CEP128: variants seen among roughly 807,000 people sequenced by gnomAD.
CEP128 encodes centrosomal protein 128kDa.
In CEP128, 132 loss-of-function variants were observed where a neutral mutation model predicts 156.7. That is an observed-to-expected ratio of 0.84 (90% CI 0.73 to 0.97). The LOEUF is 0.97. Ranked by LOEUF, CEP128 falls within the 50% of genes least tolerant of loss-of-function variation. The pLI is 0.00. For synonymous variants in CEP128, 469 were observed against 448.9 expected (o/e 1.04, Z -0.57); for missense variants, 1,252 against 1,281.9 (o/e 0.98, Z 0.36).
intron 14 of CEP128, among the ~76,000 whole-genome samples, chr14:80,785,945 T>C (rs1316963590): frequency 1.3e-5 from 2 of 152,156 alleles, no homozygotes; most frequent in African/African-American, 4.8e-5. Context: ...ATTCCAATGA[T>C]ACACTTTTAA....
intron 8 of CEP128, among the ~76,000 whole-genome samples, chr14:80,880,124 A>T (rs1158539366): frequency 6.6e-6 from 1 of 152,224 alleles, no homozygotes; most frequent in Non-Finnish European, 1.5e-5. Flanking sequence ...CAAAAAAATT[A>T]TACAACATGA....
intron 21 of CEP128, among the ~76,000 whole-genome samples, chr14:80,535,074 G>A (rs58249795): frequency 0.21 from 31,928 of 152,056 alleles, 3,665 homozygotes; most frequent in African/African-American, 0.29. Context: ...TAGAAGTAGG[G>A]TCAAAGCAGA....
intron 2 of CEP128, among the ~76,000 whole-genome samples, chr14:80,924,005 C>T (rs1304956317): frequency 6.6e-6 from 1 of 152,204 alleles, no homozygotes; most frequent in Non-Finnish European, 1.5e-5. Context: ...AAGCTTGCTT[C>T]CCCTTCACCT....
At chr14:80,784,115 C>T (rs1337524296) in intron 15 of CEP128, among the ~76,000 whole-genome samples, 1 of 152,190 alleles carries the variant, frequency 6.6e-6, no homozygotes, top group Middle Eastern at 3.4e-3. Flanking sequence ...TTCATTCATT[C>T]ACCTATTCAA....
At chr14:80,842,313 C>G (rs1886383730) in intron 9 of CEP128, among the ~76,000 whole-genome samples, 1 of 151,984 alleles carries the variant, frequency 6.6e-6, no homozygotes, top group African/African-American at 2.4e-5. Context: ...CAAATTACTA[C>G]ATTTCCACTA....
At chr14:80,717,526 G>T (rs1416838938) in intron 19 of CEP128, among the ~76,000 whole-genome samples, 1 of 151,872 alleles carries the variant, frequency 6.6e-6, no homozygotes, top group African/African-American at 2.4e-5. Context: ...GGTAAATGGG[G>T]GCATTTGTGA....
intron 19 of CEP128, among the ~76,000 whole-genome samples, chr14:80,626,265 C>T (rs1431414971): frequency 6.6e-6 from 1 of 150,612 alleles, no homozygotes; most frequent in African/African-American, 2.5e-5. Context: ...GAGATCGAGA[C>T]CATCCTGGCT....
intron 4 of CEP128, among the ~76,000 whole-genome samples, chr14:80,907,004 A>G (rs1883919985): frequency 6.6e-6 from 1 of 152,198 alleles, no homozygotes; most frequent in African/African-American, 2.4e-5. Context: ...AGTTGAGAAG[A>G]CAAGGTTTCC....
chr14:80,576,141 C>T (rs1891344140), intron 20 of CEP128, among the ~76,000 whole-genome samples: 1 of 152,014 alleles, frequency 6.6e-6, no homozygotes. Flanking sequence ...AATAAAAACA[C>T]TAAACAGCAG....
chr14:80,723,592 G>A (rs1272296008), intron 19 of CEP128, among the ~76,000 whole-genome samples: 2 of 152,258 alleles, frequency 1.3e-5, no homozygotes, highest in Non-Finnish European at 2.9e-5. Flanking sequence ...GTAGAACAGT[G>A]TCCAAAAAGT....
At chr14:80,840,634 TG>T in intron 10 of CEP128, 47 bp downstream of exon 10, 1 of 1,190,324 alleles carries the variant, frequency 8.4e-7, no homozygotes, top group Non-Finnish European at 1.3e-6. Context: ...CAAATACCAT[TG>T]GCCCCAAACC....
intron 20 of CEP128, among the ~76,000 whole-genome samples, chr14:80,564,495 G>A (rs1463877607): frequency 6.6e-6 from 1 of 152,198 alleles, no homozygotes; most frequent in Non-Finnish European, 1.5e-5. Context: ...AACTTTTGAG[G>A]TTAATGAGGT....
At chr14:80,838,391 C>A (rs996266163) in intron 10 of CEP128, 113 bp from the exon 11 acceptor site, 1 of 673,160 alleles carries the variant, frequency 1.5e-6, no homozygotes, top group South Asian at 1.8e-5. Context: ...AAGACATTTA[C>A]AGCTAATATA....
chr14:80,586,135 A>G (rs1891812655), intron 19 of CEP128, among the ~76,000 whole-genome samples: 1 of 152,130 alleles, frequency 6.6e-6, no homozygotes, highest in Non-Finnish European at 1.5e-5. Flanking sequence ...AAGAAGTACA[A>G]TTCTGTCTTA....
intron 23 of CEP128, among the ~76,000 whole-genome samples, chr14:80,510,808 GTTT>G (rs570009355): frequency 6.8e-6 from 1 of 147,572 alleles, no homozygotes; most frequent in African/African-American, 2.5e-5. Context: ...TTTTTGAGGG[GTTT>G]TTTTTTTATC....
chr14:80,521,197 G>C (rs1888731384), intron 23 of CEP128, among the ~76,000 whole-genome samples: 1 of 151,862 alleles, frequency 6.6e-6, no homozygotes, highest in African/African-American at 2.4e-5. Flanking sequence ...TATGATGTTT[G>C]TTAAAAACTA....
intron 19 of CEP128, among the ~76,000 whole-genome samples, chr14:80,662,973 T>C: frequency 6.6e-6 from 1 of 152,238 alleles, no homozygotes; most frequent in Non-Finnish European, 1.5e-5. Flanking sequence ...GGCCAGTTGC[T>C]TGTATACTGG....
intron 4 of CEP128, 102 bp from the exon 5 acceptor site, chr14:80,906,183 T>C: frequency 1.1e-6 from 1 of 891,356 alleles, no homozygotes; most frequent in Non-Finnish European, 1.6e-6. Flanking sequence ...ATATCTGGGT[T>C]CCCCCCAAAA....
chr14:80,522,168 G>C (rs1338045156), intron 23 of CEP128, among the ~76,000 whole-genome samples: 1 of 152,150 alleles, frequency 6.6e-6, no homozygotes, highest in Non-Finnish European at 1.5e-5. Flanking sequence ...AAATGTTTAT[G>C]CATCACCTAC....
Sources: gnomAD v4.1 joint callset for allele counts (sites outside exome capture counted in the v4.1 genomes callset) on GRCh38, gnomAD v4.1.1 for gene constraint, MANE v1.5 for transcripts, NCBI Gene and HGNC (gene_info 2026-07-23, HGNC 2026-07-21) for gene names.